ITCH: variants seen among roughly 807,000 people sequenced by gnomAD.
ITCH encodes itchy E3 ubiquitin protein ligase.
A neutral mutation model predicts 126.8 loss-of-function variants in ITCH; 28 were observed. That is an observed-to-expected ratio of 0.22 (90% CI 0.16 to 0.30). ITCH has a LOEUF of 0.30. Ranked by LOEUF, ITCH falls within the 10% of genes least tolerant of loss-of-function variation. The pLI is 1.00. For missense variants in ITCH, 631 were observed against 1,032.4 expected, an observed-to-expected ratio of 0.61 and a Z score of 5.33; for synonymous variants, 342 against 340.0, an observed-to-expected ratio of 1.01 and a Z score of -0.06.
intron 2 of ITCH, among the ~76,000 whole-genome samples, chr20:34,391,469 G>A (rs942999243): frequency 6.6e-6 from 1 of 151,910 alleles, no homozygotes; most frequent in Non-Finnish European, 1.5e-5. Flanking sequence ...GATGTTCTTG[G>A]GATCTCTCAA....
At chr20:34,437,555 C>T (rs75614305) in intron 7 of ITCH, among the ~76,000 whole-genome samples, 1 of 152,218 alleles carries the variant, frequency 6.6e-6, no homozygotes, top group African/African-American at 2.4e-5. Flanking sequence ...GATCCTTTCA[C>T]CTCAGCTTCC....
Position 34,508,589 on chromosome 20 carries a change from TC to T in ITCH, c.*798del, listed in dbSNP as rs1978411175. On this transcript the variant is annotated 3_prime_UTR_variant, in exon 25 of 25. Coordinates refer to ENST00000374864, the MANE Select transcript of ITCH (RefSeq NM_031483.7). The stretch of plus-strand genomic sequence containing the variant: ...ACTCTGGGAGGCCGAGGCAGGAGGA[TC>T]CCTTTAGCCCAGGAGTTAAAGACCA... The T allele has an allele frequency of 6.6e-6, 1 of 152,142 alleles. No individual in the cohort carries two copies. Among genetic ancestry groups the T allele is most frequent in the Non-Finnish European group, 1.5e-5 (1 of 68,102 alleles). 9.4% of individuals were successfully genotyped at this position (152,142 alleles called of 1,614,324 possible). A position where few individuals can be genotyped will look rare whatever the true frequency, so the allele number is the denominator to read the frequency against.
chr20:34,387,549 T>G (rs2146047823), intron 2 of ITCH, among the ~76,000 whole-genome samples: 1 of 151,462 alleles, frequency 6.6e-6, no homozygotes, highest in South Asian at 2.1e-4. Context: ...GAGGATTGTT[T>G]CAGCCCAGGT....
intron 2 of ITCH, among the ~76,000 whole-genome samples, chr20:34,384,863 C>T (rs1436791585): frequency 4.6e-5 from 7 of 151,670 alleles, no homozygotes; most frequent in African/African-American, 1.5e-4. Context: ...GGGGTTTCAC[C>T]GTGTTAGCCA....
intron 3 of ITCH, among the ~76,000 whole-genome samples, chr20:34,408,333 C>G (rs569145387): frequency 6.6e-6 from 1 of 152,292 alleles, no homozygotes; most frequent in Admixed American, 6.5e-5. Context: ...CTCAGCCTCC[C>G]AAAGTTCTGG....
chr20:34,475,685 G>GAGAGGC (rs1301066685), intron 16 of ITCH, among the ~76,000 whole-genome samples: 7 of 150,688 alleles, frequency 4.6e-5, no homozygotes, highest in South Asian at 2.1e-4. Flanking sequence ...AGGGAGACGG[G>GAGAGGC]AGAGGCAGAG....
rs529717001 is a variant in ITCH at position 34,497,671 on chromosome 20, C to T, written c.2416+5074C>T. On this transcript the variant is annotated intron_variant, in intron 23 of 24. Transcript: ENST00000374864. ...TCAGTTCACTGCAACCTCTGCCTCCCGGGTTCAAGTGATTCTTGTGCCTCA... is the reference window on the plus strand; with the variant it reads ...TCAGTTCACTGCAACCTCTGCCTCCTGGGTTCAAGTGATTCTTGTGCCTCA... Among the ~76,000 whole-genome samples the T allele has an allele frequency of 1.9e-4, 29 of 152,306 alleles. No homozygotes were observed. The South Asian group carries it at 4.1e-3, about 22-fold the overall frequency.
chr20:34,448,885 C>A (rs1984800068), intron 11 of ITCH, among the ~76,000 whole-genome samples: 1 of 152,186 alleles, frequency 6.6e-6, no homozygotes. Flanking sequence ...CCATACAGTT[C>A]TAGGCTCATT....
chr20:34,507,560 C>T, intron 24 of ITCH, 135 bp from the exon 25 acceptor site: 1 of 690,520 alleles, frequency 1.4e-6, no homozygotes, highest in Non-Finnish European at 2.5e-6. Flanking sequence ...GGTTATTTCA[C>T]TTTCTTGATG....
intron 23 of ITCH, 69 bp from the exon 24 acceptor site, chr20:34,504,262 G>T (rs1990478072): frequency 8.7e-7 from 1 of 1,152,194 alleles, no homozygotes; most frequent in Non-Finnish European, 1.3e-6. Context: ...GCTGATGCTT[G>T]TTGGATTGGG....
At chr20:34,445,166 A>G (rs1434195033) in intron 10 of ITCH, 121 bp from the exon 11 acceptor site, 16 of 1,105,810 alleles carry the variant, frequency 1.4e-5, no homozygotes, top group Non-Finnish European at 1.8e-5. Context: ...CTTACAAACT[A>G]TTTAAAAATA....
intron 3 of ITCH, chr20:34,401,638 C>G: frequency 1.0e-6 from 1 of 982,298 alleles, no homozygotes; most frequent in Non-Finnish European, 1.2e-6. Flanking sequence ...CATGTTTTCT[C>G]AACTAGACCT....
At chr20:34,435,239 G>A (rs1451529414) in intron 7 of ITCH, among the ~76,000 whole-genome samples, 1 of 151,420 alleles carries the variant, frequency 6.6e-6, no homozygotes, top group Non-Finnish European at 1.5e-5. Context: ...CACAATCTCC[G>A]CTTACCACAA....
intron 2 of ITCH, among the ~76,000 whole-genome samples, chr20:34,387,248 A>C (rs2038316790): frequency 6.6e-6 from 1 of 151,296 alleles, no homozygotes; most frequent in South Asian, 2.1e-4. Flanking sequence ...GGTTGCAGCG[A>C]GGGGAGATTG....
chr20:34,425,224 C>A lies in ITCH; in HGVS notation c.521+699C>A, dbSNP rs141413886. Reference sequence around the variant, plus strand: ...ATGTGCCTTGTTAACAATATGTTTGCAGGCAGTATGCCTGGTAAAAGTCAT... The same window carrying A: ...ATGTGCCTTGTTAACAATATGTTTGAAGGCAGTATGCCTGGTAAAAGTCAT... On this transcript the variant is annotated intron_variant, in intron 7 of 24. Coordinates refer to ENST00000374864, the MANE Select transcript of ITCH (RefSeq NM_031483.7). Among the ~76,000 whole-genome samples the A allele has an allele frequency of 9.2e-3, 1,404 of 152,322 alleles. 10 individuals carry two copies. Among genetic ancestry groups the A allele is most frequent in the Non-Finnish European group, 0.015 (1,020 of 68,022 alleles).
rs1988659439 is a variant in ITCH at position 34,480,639 on chromosome 20, T to C, written c.1859T>C (p.Leu620Ser). 6.2e-7 allele frequency: 1 copy of C among 1,613,752 alleles called. No homozygotes were observed. The change falls in exon 19 of 25, where the codon TTA becomes TCA. Residue 620 changes from leucine (L) to serine (S), a missense_variant. Physicochemically the swap from Leu to Ser is moderately radical, Grantham distance 145. Coordinates refer to ENST00000374864, the MANE Select transcript of ITCH (RefSeq NM_031483.7). ...HGKFIDTGFS[L>S]PFYKRILNKP... ...AAATTCATAGACACGGGTTTTTCTT[T>C]ACCATTCTATAAGCGTATCTTGAAC...
intron 14 of ITCH, 86 bp downstream of exon 14, chr20:34,462,307 A>AGTCTTAGTATTTCTTTTTTTTTTTTTTT: frequency 2.2e-6 from 3 of 1,389,432 alleles, no homozygotes; most frequent in African/African-American, 2.9e-5. Flanking sequence ...AAGGAGTGGA[A>AGTCTTAGTATTTCTTTTTTTTTTTTTTT]GTCTTAGTAT....
At position 34,434,014 on chromosome 20, in the gene ITCH, G is replaced by A. The variant is rs780941544; in HGVS notation, c.522-4460G>A. 9.8e-4 allele frequency among the ~76,000 whole-genome samples: 149 copies of A among 152,298 alleles called. 3 individuals carry two copies. The highest frequency in any genetic ancestry group is 2.9e-4 in the Non-Finnish European group (20 of 68,012). ...ATGGGGGCTAGGCGCAGTGGCTCATGCCTATAATCACAGCACTTTGGGAGG... is the reference window on the plus strand; with the variant it reads ...ATGGGGGCTAGGCGCAGTGGCTCATACCTATAATCACAGCACTTTGGGAGG... On this transcript the variant is annotated intron_variant, in intron 7 of 24. Transcript: ENST00000374864.
chr20:34,500,511 T>A (rs571289517), intron 23 of ITCH, among the ~76,000 whole-genome samples: 1 of 152,324 alleles, frequency 6.6e-6, no homozygotes, highest in East Asian at 1.9e-4. Flanking sequence ...TCCATTTCCA[T>A]GAAATATCTT....
Sources: gnomAD v4.1 joint callset for allele counts (sites outside exome capture counted in the v4.1 genomes callset) on GRCh38, gnomAD v4.1.1 for gene constraint, MANE v1.5 for transcripts, NCBI Gene and HGNC (gene_info 2026-07-23, HGNC 2026-07-21) for gene names.